The following TTC8 variants were observed in gnomAD, a reference collection of about 807,000 sequenced individuals.
TTC8 encodes tetratricopeptide repeat domain 8.
TTC8 carries 47 observed loss-of-function variants against 72.5 expected under a neutral mutation model. The observed-to-expected ratio is 0.65, with a 90% CI of 0.51 to 0.83. TTC8 has a LOEUF of 0.83. Among genes scored for constraint, TTC8 ranks in the 40% least tolerant of loss-of-function variants. The probability of loss-of-function intolerance (pLI) is 0.00; values close to 1 mark genes in which losing one functional copy is unlikely to be tolerated. For synonymous variants in TTC8, 199 were observed against 221.4 expected (o/e 0.90, Z 0.90); for missense variants, 611 against 623.2 (o/e 0.98, Z 0.21).
chr14:88,833,907 T>G (rs1488198808), intron 2 of TTC8, 185 bp downstream of exon 2: 2 of 630,356 alleles, frequency 3.2e-6, no homozygotes, highest in Non-Finnish European at 5.7e-6. Flanking sequence ...CTTTTGTGTA[T>G]ATTGATAGCC....
intron 2 of TTC8, 56 bp from the exon 3 acceptor site, chr14:88,839,396 T>A: frequency 6.4e-7 from 1 of 1,567,722 alleles, no homozygotes; most frequent in Non-Finnish European, 8.7e-7. Flanking sequence ...TTCTATAAGC[T>A]GTGTAGTATT....
chr14:88,869,908 A>G (rs2094926576), intron 10 of TTC8, 151 bp from the exon 11 acceptor site: 3 of 754,716 alleles, frequency 4.0e-6, no homozygotes, highest in Admixed American at 2.4e-5. Context: ...CTTTTTGTTC[A>G]TATTGTATCC....
At chr14:88,853,869 A>C (rs1242456375) in intron 8 of TTC8, among the ~76,000 whole-genome samples, 1 of 152,228 alleles carries the variant, frequency 6.6e-6, no homozygotes, top group African/African-American at 2.4e-5. Flanking sequence ...AAACAAATGA[A>C]CAATTCTATT....
At chr14:88,846,655 A>G (rs1384955180) in intron 7 of TTC8, 3 of 1,455,512 alleles carry the variant, frequency 2.1e-6, no homozygotes, top group Non-Finnish European at 2.8e-6. Flanking sequence ...ATTGAGGAAT[A>G]AAAATCACAT....
chr14:88,852,475 C>G (rs975186417), intron 7 of TTC8, among the ~76,000 whole-genome samples: 3 of 152,136 alleles, frequency 2.0e-5, no homozygotes, highest in African/African-American at 7.2e-5. Flanking sequence ...AATACTCCAG[C>G]TCCTTTCACT....
chr14:88,828,597 C>T (rs779591320), intron 1 of TTC8, among the ~76,000 whole-genome samples: 19 of 152,250 alleles, frequency 1.2e-4, no homozygotes, highest in East Asian at 3.9e-4. Context: ...TTTGCTCTTA[C>T]GTTTTCCCCT....
At chr14:88,835,596 A>G (rs2094747029) in intron 2 of TTC8, among the ~76,000 whole-genome samples, 1 of 152,208 alleles carries the variant, frequency 6.6e-6, no homozygotes, top group South Asian at 2.1e-4. Flanking sequence ...TAAATATTTA[A>G]ATAAATTTAC....
intron 1 of TTC8, among the ~76,000 whole-genome samples, chr14:88,832,895 C>G (rs564017967): frequency 1.3e-5 from 2 of 152,150 alleles, no homozygotes; most frequent in African/African-American, 4.8e-5. Context: ...TCTGTAACTT[C>G]CATCCTTTGG....
intron 13 of TTC8, among the ~76,000 whole-genome samples, chr14:88,873,242 GCAGA>G (rs1057375643): frequency 2.4e-4 from 37 of 152,276 alleles, no homozygotes; most frequent in African/African-American, 8.7e-4. Context: ...TTGCTGCTCT[GCAGA>G]CAGACAGTGC....
intron 1 of TTC8, among the ~76,000 whole-genome samples, chr14:88,828,467 A>G (rs2094711694): frequency 6.6e-6 from 1 of 152,174 alleles, no homozygotes; most frequent in Non-Finnish European, 1.5e-5. Context: ...CTCTATAACT[A>G]TTTGAATTAC....
intron 7 of TTC8, among the ~76,000 whole-genome samples, chr14:88,845,829 CAA>C (rs1422703519): frequency 6.6e-6 from 1 of 152,166 alleles, no homozygotes; most frequent in African/African-American, 2.4e-5. Context: ...AACAGACAGA[CAA>C]AGTCTCTGCT....
At chr14:88,837,084 TA>T in intron 2 of TTC8, 1 of 248,502 alleles carries the variant, frequency 4.0e-6, no homozygotes, top group Non-Finnish European at 8.1e-6. Flanking sequence ...AATAAATAAA[TA>T]AATAAACTTG....
chr14:88,853,099 T>G (rs2094840670), intron 8 of TTC8, 43 bp downstream of exon 8: 21 of 1,439,090 alleles, frequency 1.5e-5, no homozygotes, highest in Non-Finnish European at 1.6e-5. Context: ...TGGCCACGTA[T>G]TTTAGGGTCT....
At chr14:88,862,914 T>C (rs2141019910) in intron 10 of TTC8, among the ~76,000 whole-genome samples, 1 of 152,050 alleles carries the variant, frequency 6.6e-6, no homozygotes, top group African/African-American at 2.4e-5. Context: ...CAATAATTCA[T>C]GATATCAGGT....
At chr14:88,874,102 C>G (rs1004724488) in intron 13 of TTC8, among the ~76,000 whole-genome samples, 1 of 152,182 alleles carries the variant, frequency 6.6e-6, no homozygotes, top group Non-Finnish European at 1.5e-5. Context: ...TGATTTTTCT[C>G]TGTTCCCATA....
rs886050876 is a variant in TTC8, at chr14:88,824,670, C to G, written c.-38C>G. 1.3e-6 allele frequency: 2 copies of G among 1,529,280 alleles called. No individual in the cohort carries two copies. The highest frequency in any genetic ancestry group is 2.7e-5 in the African/African-American group (2 of 73,290). 94.7% of individuals were successfully genotyped at this position (1,529,280 alleles called of 1,614,324 possible). ...CTCTTCACTCCACGCCCACCTCTCT[C>G]CTGGAGCGCTGGGCCTTCGCTGGCC... On this transcript the variant is annotated 5_prime_UTR_variant, in exon 1 of 15. Transcript: ENST00000380656.
chr14:88,874,236 T>C (rs1250258143), intron 13 of TTC8, among the ~76,000 whole-genome samples: 3 of 152,228 alleles, frequency 2.0e-5, no homozygotes, highest in African/African-American at 7.2e-5. Context: ...TTTCATTCTA[T>C]ATTAGCTTGA....
downstream of TTC8, chr14:88,878,816 T>C (rs570174534): frequency 2.6e-5 from 4 of 152,354 alleles, no homozygotes; most frequent in East Asian, 7.7e-4. Flanking sequence ...CTGAGCTCTT[T>C]ATGGGAATGA....
chr14:88,824,869 G>T, intron 1 of TTC8, 48 bp downstream of exon 1: 1 of 1,516,612 alleles, frequency 6.6e-7, no homozygotes. Flanking sequence ...CTGAGGCTGC[G>T]GGGTCTGGGG....
Sources: gnomAD v4.1 joint callset for allele counts (sites outside exome capture counted in the v4.1 genomes callset) on GRCh38, gnomAD v4.1.1 for gene constraint, MANE v1.5 for transcripts, NCBI Gene and HGNC (gene_info 2026-07-23, HGNC 2026-07-21) for gene names.